The following PDE7A variants were observed in gnomAD, a reference collection of about 807,000 sequenced individuals.
PDE7A encodes phosphodiesterase 7A, also known as high affinity 3',5'-cyclic-AMP phosphodiesterase 7A.
PDE7A carries 39 observed loss-of-function variants against 64.3 expected under a neutral mutation model. The ratio of observed to expected loss-of-function variants is 0.61; its 90% CI spans 0.47 to 0.79. The LOEUF is 0.79. PDE7A is among the 30% of genes least tolerant of loss of function. PDE7A has a pLI of 0.00. For synonymous variants in PDE7A, 203 were observed against 206.8 expected, an observed-to-expected ratio of 0.98 and a Z score of 0.16; for missense variants, 470 against 582.8, an observed-to-expected ratio of 0.81 and a Z score of 1.99.
chr8:65,736,914 G>A (rs1221921761), intron 6 of PDE7A, among the ~76,000 whole-genome samples: 1 of 138,492 alleles, frequency 7.2e-6, no homozygotes, highest in Non-Finnish European at 1.5e-5. Flanking sequence ...ATGGAGTCTC[G>A]CCCTGCTGCC....
At chr8:65,747,843 AATT>A in intron 3 of PDE7A, 40 bp from the exon 4 acceptor site, 1 of 1,361,874 alleles carries the variant, frequency 7.3e-7, no homozygotes, top group Non-Finnish European at 1.0e-6. Flanking sequence ...AGCAAGTTAA[AATT>A]ATACACATGC....
chr8:65,832,809 ATTTC>A (rs1810864563), intron 1 of PDE7A, among the ~76,000 whole-genome samples: 2 of 152,074 alleles, frequency 1.3e-5, no homozygotes, highest in South Asian at 4.1e-4. Context: ...TTTAGTATGC[ATTTC>A]TTTGATTACC....
At chr8:65,833,731 A>C (rs1238381516) in intron 1 of PDE7A, among the ~76,000 whole-genome samples, 1 of 152,188 alleles carries the variant, frequency 6.6e-6, no homozygotes, top group Non-Finnish European at 1.5e-5. Context: ...TGGGAGGCCA[A>C]GGTGGGCGGA....
chr8:65,794,401 T>G (rs1355048127), intron 1 of PDE7A, among the ~76,000 whole-genome samples: 1 of 152,082 alleles, frequency 6.6e-6, no homozygotes, highest in East Asian at 1.9e-4. Flanking sequence ...AGATACTTTT[T>G]TTAATGAGAC....
intron 1 of PDE7A, among the ~76,000 whole-genome samples, chr8:65,793,318 G>A (rs1809750605): frequency 6.6e-6 from 1 of 151,828 alleles, no homozygotes; most frequent in Non-Finnish European, 1.5e-5. Flanking sequence ...TAGCAAATCT[G>A]CATATAAAAC....
intron 3 of PDE7A, among the ~76,000 whole-genome samples, chr8:65,764,950 G>A (rs1050695316): frequency 6.6e-6 from 1 of 152,142 alleles, no homozygotes; most frequent in East Asian, 1.9e-4. Context: ...TATATGGAGA[G>A]AACTACAAAC....
intron 1 of PDE7A, among the ~76,000 whole-genome samples, chr8:65,801,603 TAA>T (rs139916463): frequency 6.7e-6 from 1 of 148,994 alleles, no homozygotes; most frequent in Non-Finnish European, 1.5e-5. Context: ...TACACTCATT[TAA>T]AAAAAAAACA....
intron 7 of PDE7A, among the ~76,000 whole-genome samples, chr8:65,734,051 T>A (rs1807021198): frequency 6.6e-6 from 1 of 152,180 alleles, no homozygotes; most frequent in African/African-American, 2.4e-5. Context: ...CTTCTATACT[T>A]CAGACTCTTT....
chr8:65,807,816 G>A (rs1456518078), intron 1 of PDE7A, among the ~76,000 whole-genome samples: 1 of 152,138 alleles, frequency 6.6e-6, no homozygotes, highest in Non-Finnish European at 1.5e-5. Context: ...CTGACATGTT[G>A]TATTACATCA....
chr8:65,763,373 C>G (rs1808606872), intron 3 of PDE7A, among the ~76,000 whole-genome samples: 1 of 152,102 alleles, frequency 6.6e-6, no homozygotes, highest in South Asian at 2.1e-4. Flanking sequence ...CGAGACCAGC[C>G]TGACCAACAT....
chr8:65,819,092 G>A (rs1176139614), intron 1 of PDE7A, among the ~76,000 whole-genome samples: 1 of 152,152 alleles, frequency 6.6e-6, no homozygotes, highest in Non-Finnish European at 1.5e-5. Context: ...CACTGAAATG[G>A]CTGCTTTACA....
At chr8:65,830,894 C>T (rs1043499585) in intron 1 of PDE7A, among the ~76,000 whole-genome samples, 18 of 151,418 alleles carry the variant, frequency 1.2e-4, no homozygotes, top group Non-Finnish European at 2.4e-4. Flanking sequence ...TAAAAGAATA[C>T]ATTAGGATAA....
At position 65,724,367 on chromosome 8, in the gene PDE7A, T is replaced by C. The variant is rs1258922454; in HGVS notation, c.1066-16A>G. ...TCAAAGCCATCTAGCAAACAAAACA[T>C]TAATATTGTTTTAAGATATATACAC... On this transcript the variant is annotated splice_polypyrimidine_tract_variant and intron_variant, in intron 10 of 12. Coordinates refer to ENST00000401827, the MANE Select transcript of PDE7A (RefSeq NM_001242318.3). The C allele has an allele frequency of 3.9e-6, 6 of 1,557,260 alleles. No homozygotes were observed. The highest frequency in any genetic ancestry group is 5.3e-6 in the Non-Finnish European group (6 of 1,129,324).
chr8:65,758,035 T>C (rs11991758), intron 3 of PDE7A, among the ~76,000 whole-genome samples: 27,448 of 152,228 alleles, frequency 0.18, 3,190 homozygotes, highest in East Asian at 0.52. Flanking sequence ...TTTACTCAAA[T>C]GTTTCCACAT....
intron 12 of PDE7A, chr8:65,723,259 CAAAAGA>C: frequency 5.2e-6 from 1 of 192,208 alleles, no homozygotes; most frequent in Non-Finnish European, 1.0e-5. Flanking sequence ...CCAAATGATG[CAAAAGA>C]AGCTTCCACA....
chr8:65,747,245 C>T (rs1428166387), intron 4 of PDE7A, among the ~76,000 whole-genome samples: 1 of 152,148 alleles, frequency 6.6e-6, no homozygotes, highest in Non-Finnish European at 1.5e-5. Context: ...GCTGGGTTTA[C>T]CTCTAACCAG....
chr8:65,764,589 A>G (rs1808674795), intron 3 of PDE7A, among the ~76,000 whole-genome samples: 1 of 152,252 alleles, frequency 6.6e-6, no homozygotes, highest in African/African-American at 2.4e-5. Context: ...AGAAAAGGGG[A>G]AAAGCACTAA....
intron 1 of PDE7A, among the ~76,000 whole-genome samples, chr8:65,822,638 T>C (rs1250383690): frequency 6.6e-6 from 1 of 152,228 alleles, no homozygotes; most frequent in East Asian, 1.9e-4. Flanking sequence ...TAAGAGTTAA[T>C]CCTAGGCTGT....
At chr8:65,782,450 G>C (rs1041603885) in intron 2 of PDE7A, among the ~76,000 whole-genome samples, 2 of 152,154 alleles carry the variant, frequency 1.3e-5, no homozygotes, top group African/African-American at 4.8e-5. Flanking sequence ...CCTCACCTTT[G>C]TCCATGCTGG....
Sources: gnomAD v4.1 joint callset for allele counts (sites outside exome capture counted in the v4.1 genomes callset) on GRCh38, gnomAD v4.1.1 for gene constraint, MANE v1.5 for transcripts, NCBI Gene and HGNC (gene_info 2026-07-23, HGNC 2026-07-21) for gene names.